The following KCNMA1 variants were observed in gnomAD, a reference collection of about 807,000 sequenced individuals.
KCNMA1 encodes Calcium-activated potassium channel subunit alpha-1.
Under a neutral mutation model 140.0 loss-of-function variants are expected in KCNMA1, and 29 were observed. The observed-to-expected ratio is 0.21, with a 90% CI of 0.15 to 0.28. The LOEUF is 0.28. Among genes scored for constraint, KCNMA1 ranks in the 10% least tolerant of loss-of-function variants. The pLI is 1.00. For missense variants in KCNMA1, 880 were observed against 1,602.2 expected, an observed-to-expected ratio of 0.55 and a Z score of 7.70; for synonymous variants, 612 against 611.9, an observed-to-expected ratio of 1.00 and a Z score of 0.00.
At chr10:77,302,543 C>T (rs2076777683) in intron 2 of KCNMA1, among the ~76,000 whole-genome samples, 1 of 152,138 alleles carries the variant, frequency 6.6e-6, no homozygotes, top group African/African-American at 2.4e-5. Context: ...CTCCAGGGTC[C>T]CAATTTCTTG....
At chr10:77,067,768 A>G (rs1028236677) in intron 14 of KCNMA1, among the ~76,000 whole-genome samples, 1 of 152,188 alleles carries the variant, frequency 6.6e-6, no homozygotes, top group African/African-American at 2.4e-5. Context: ...GGCAGACAGA[A>G]AGGTAAAGAA....
chr10:77,015,486 A>T (rs2091841992), intron 17 of KCNMA1, among the ~76,000 whole-genome samples: 1 of 151,802 alleles, frequency 6.6e-6, no homozygotes, highest in Admixed American at 6.6e-5. Flanking sequence ...CCTTTTTCCC[A>T]TTTAAGTTTG....
intron 1 of KCNMA1, among the ~76,000 whole-genome samples, chr10:77,589,518 A>G (rs932226719): frequency 6.6e-6 from 1 of 152,138 alleles, no homozygotes; most frequent in African/African-American, 2.4e-5. Flanking sequence ...ATGATCCTGG[A>G]AGGCTGAACA....
At chr10:76,966,972 T>C (rs1367341864) in intron 20 of KCNMA1, among the ~76,000 whole-genome samples, 4 of 152,134 alleles carry the variant, frequency 2.6e-5, no homozygotes, top group Non-Finnish European at 5.9e-5. Flanking sequence ...CAGAGTTAAG[T>C]GACACTTAAA....
chr10:76,882,555 C>A (rs1419269006), downstream of KCNMA1, among the ~76,000 whole-genome samples: 2 of 152,178 alleles, frequency 1.3e-5, no homozygotes, highest in Non-Finnish European at 2.9e-5. Context: ...CATAGAGATA[C>A]AAATTATTTG....
intron 17 of KCNMA1, among the ~76,000 whole-genome samples, chr10:77,015,654 T>G (rs761926342): frequency 1.3e-5 from 2 of 152,180 alleles, no homozygotes; most frequent in African/African-American, 4.8e-5. Flanking sequence ...ATAGCCCAGA[T>G]AGAATGCTTA....
chr10:77,487,893 G>A (rs1212144886), intron 1 of KCNMA1, among the ~76,000 whole-genome samples: 1 of 152,094 alleles, frequency 6.6e-6, no homozygotes, highest in African/African-American at 2.4e-5. Context: ...GAGTCCCCAG[G>A]TTGGGCTGGT....
intron 9 of KCNMA1, among the ~76,000 whole-genome samples, chr10:77,093,362 C>G (rs1266065460): frequency 6.6e-6 from 1 of 152,172 alleles, no homozygotes; most frequent in African/African-American, 2.4e-5. Context: ...CCATATTGTT[C>G]CAATCTGTCC....
intron 15 of KCNMA1, among the ~76,000 whole-genome samples, chr10:77,029,882 G>A (rs1023083606): frequency 6.6e-6 from 1 of 152,140 alleles, no homozygotes; most frequent in Non-Finnish European, 1.5e-5. Context: ...CAGGAAATGA[G>A]GGGGGAGCAA....
At chr10:77,164,483 C>T (rs1460077471) in intron 5 of KCNMA1, among the ~76,000 whole-genome samples, 4 of 152,030 alleles carry the variant, frequency 2.6e-5, no homozygotes, top group African/African-American at 9.7e-5. Context: ...CATAATTCAC[C>T]CTCTTTGTCC....
intron 2 of KCNMA1, among the ~76,000 whole-genome samples, chr10:77,402,864 A>G (rs1238791388): frequency 6.6e-6 from 1 of 152,184 alleles, no homozygotes; most frequent in African/African-American, 2.4e-5. Flanking sequence ...ATGCCAGGAC[A>G]GGTGGCCCAA....
At chr10:77,528,525 G>A (rs756812664) in intron 1 of KCNMA1, among the ~76,000 whole-genome samples, 1 of 151,358 alleles carries the variant, frequency 6.6e-6, no homozygotes, top group Non-Finnish European at 1.5e-5. Flanking sequence ...CAGGAGAATC[G>A]CTTGAACCAG....
intron 1 of KCNMA1, among the ~76,000 whole-genome samples, chr10:77,590,087 C>T (rs974814724): frequency 3.9e-5 from 6 of 152,184 alleles, no homozygotes; most frequent in Non-Finnish European, 5.9e-5. Flanking sequence ...CTGAGCTAGA[C>T]ACAGGGTGCT....
chr10:76,948,580 C>T (rs2065097209), intron 22 of KCNMA1, among the ~76,000 whole-genome samples: 1 of 152,146 alleles, frequency 6.6e-6, no homozygotes, highest in Admixed American at 6.5e-5. Context: ...ATATCATGCA[C>T]ACATGCACAC....
intron 19 of KCNMA1, among the ~76,000 whole-genome samples, chr10:76,982,267 A>G (rs1198943632): frequency 6.6e-6 from 1 of 151,980 alleles, no homozygotes; most frequent in Non-Finnish European, 1.5e-5. Flanking sequence ...GAGAATGTCA[A>G]GGGAGGGCTA....
intron 2 of KCNMA1, among the ~76,000 whole-genome samples, chr10:77,366,356 A>G (rs1296522598): frequency 6.6e-6 from 1 of 152,086 alleles, no homozygotes; most frequent in Non-Finnish European, 1.5e-5. Context: ...TTTATTAGAG[A>G]CAGGGTTTCA....
intron 2 of KCNMA1, among the ~76,000 whole-genome samples, chr10:77,273,677 G>C (rs2065821406): frequency 6.6e-6 from 1 of 152,206 alleles, no homozygotes; most frequent in African/African-American, 2.4e-5. Context: ...CAGTCCTTCA[G>C]GCAGGAGTGG....
At chr10:77,221,527 C>T (rs903643391) in intron 3 of KCNMA1, among the ~76,000 whole-genome samples, 13 of 152,156 alleles carry the variant, frequency 8.5e-5, no homozygotes, top group Admixed American at 3.9e-4. Flanking sequence ...AAATTAACTG[C>T]AAGAGTGTAA....
chr10:77,368,934 T>C (rs921736017), intron 2 of KCNMA1, among the ~76,000 whole-genome samples: 1 of 152,246 alleles, frequency 6.6e-6, no homozygotes, highest in African/African-American at 2.4e-5. Flanking sequence ...TTGATTACTA[T>C]AGCTTTATAG....
Sources: allele counts gnomAD v4.1 joint callset (sites outside exome capture counted in the v4.1 genomes callset), GRCh38; gene constraint gnomAD v4.1.1; transcripts MANE v1.5; gene names NCBI Gene and HGNC (gene_info 2026-07-23, HGNC 2026-07-21).